Variants in SIGLEC5 observed in about 807,000 individuals in gnomAD.
The protein encoded by SIGLEC5 is sialic acid-binding Ig-like lectin 5.
SIGLEC5 carries 34 observed loss-of-function variants against 45.9 expected under a neutral mutation model. That is an observed-to-expected ratio of 0.74 (90% CI 0.56 to 0.99). The LOEUF is 0.99. Among genes scored for constraint, SIGLEC5 ranks in the 50% least tolerant of loss-of-function variants. The probability of loss-of-function intolerance (pLI) is 0.00; values close to 1 mark genes in which losing one functional copy is unlikely to be tolerated. For synonymous variants in SIGLEC5, 203 were observed against 258.6 expected (o/e 0.79, Z 2.06); for missense variants, 508 against 629.6 (o/e 0.81, Z 2.07).
At chr19:51,613,771 T>C (rs529513002) in intron 8 of SIGLEC5, among the ~76,000 whole-genome samples, 12 of 152,186 alleles carry the variant, frequency 7.9e-5, no homozygotes, top group Non-Finnish European at 1.5e-4. Context: ...CCCAGGGTTA[T>C]TCATCTAATA....
chr19:51,629,259 C>T (rs1983632551), intron 3 of SIGLEC5, 99 bp downstream of exon 3: 2 of 1,537,408 alleles, frequency 1.3e-6, no homozygotes, highest in African/African-American at 3.0e-5. Context: ...TTTTGTTTCT[C>T]TCTGTCTTCC....
chr19:51,612,242 T>C lies in SIGLEC5; in HGVS notation c.1645A>G (p.Thr549Ala). The C allele has an allele frequency of 1.9e-6, 3 of 1,600,156 alleles. No individual in the cohort carries two copies. The highest frequency in any genetic ancestry group is 2.2e-5 in the South Asian group (2 of 90,000). ...PSTTEYSEIK[T>A]SK is the part of the protein sequence containing the mutation. ...CTCTGGGCAAATCCTCACTTGCTTG[T>C]CTTGATCTCCGAGTACTCCGTGGTG... The change falls in exon 9 of 9, where the codon ACA (threonine) becomes GCA (alanine). Residue 549 changes from threonine to alanine, a missense_variant. Physicochemically the swap from Thr to Ala is moderately conservative, Grantham distance 58. Around this residue, in one of 2 missense-constraint regions of SIGLEC5, gnomAD observed 431 missense variants for 428.8 expected, o/e 1.01. Coordinates refer to ENST00000683636, the MANE Select transcript of SIGLEC5 (RefSeq NM_003830.4).
chr19:51,624,774 C>T (rs937048444), intron 8 of SIGLEC5, among the ~76,000 whole-genome samples: 2 of 151,740 alleles, frequency 1.3e-5, no homozygotes, highest in Admixed American at 6.6e-5. Context: ...TTCGAGACCA[C>T]CCTGGCCAAC....
At chr19:51,617,576 T>G (rs1983114637) in intron 8 of SIGLEC5, among the ~76,000 whole-genome samples, 1 of 152,118 alleles carries the variant, frequency 6.6e-6, no homozygotes. Flanking sequence ...GAAAATCACT[T>G]TAATTTTAGA....
rs1982884132 is a variant in SIGLEC5, at chr19:51,612,322, G to A, written c.1565C>T (p.Ser522Phe). The change falls in exon 9 of 9, where the codon TCC (serine) becomes TTC (phenylalanine). Residue 522 changes from serine (S) to phenylalanine (F), a missense_variant. Transcript: ENST00000683636. ...LEEQKELHYA[S>F]LSFSEMKSRE... is the part of the protein sequence containing the mutation. ...CGACTTCATCTCAGAAAAACTAAGGGAGGCATAATGGAGCTCCTTTTGTTC... is the reference window on the plus strand; with the variant it reads ...CGACTTCATCTCAGAAAAACTAAGGAAGGCATAATGGAGCTCCTTTTGTTC... 1 of 1,613,328 alleles carries A rather than the reference G, an allele frequency of 6.2e-7. No homozygotes were observed. The highest frequency in any genetic ancestry group is 1.1e-5 in the South Asian group (1 of 91,010).
intron 4 of SIGLEC5, among the ~76,000 whole-genome samples, chr19:51,628,836 T>C (rs12972079): frequency 5.4e-5 from 8 of 148,522 alleles, no homozygotes; most frequent in South Asian, 4.2e-4. Context: ...CGTGTGTGTG[T>C]GCGTGTGTGC....
In SIGLEC5 at chr19:51,630,017, G is replaced by C. The variant is rs201664362; in HGVS notation, c.237C>G (p.Asp79Glu). Residue 79 changes from aspartate to glutamate, a missense_variant, in exon 2 of 9, where the codon GAC becomes GAG. Coordinates refer to ENST00000683636, the MANE Select transcript of SIGLEC5 (RefSeq NM_003830.4). ...YAEVVATNNP[D>E]RRVKPETQGR... ...CCTGGGTCTCTGGCTTCACTCTTCT[G>C]TCTGGGTTGTTTGTGGCCACAACCT... 3.7e-6 allele frequency: 3 copies of C among 810,246 alleles called. No individual in the cohort carries two copies. The highest frequency in any genetic ancestry group is 1.5e-5 in the South Asian group (1 of 68,294). 50.2% of individuals were successfully genotyped at this position (810,246 alleles called of 1,614,324 possible).
chr19:51,617,787 G>A (rs1226442963), intron 8 of SIGLEC5, among the ~76,000 whole-genome samples: 1 of 151,950 alleles, frequency 6.6e-6, no homozygotes, highest in Non-Finnish European at 1.5e-5. Context: ...TCAACAAAAT[G>A]TGTAGCTGTA....
In SIGLEC5 at chr19:51,628,091, G is replaced by A. The variant is rs780731484; in HGVS notation, c.740C>T (p.Ala247Val). 2.0e-6 allele frequency: 3 copies of A among 1,518,802 alleles called. No homozygotes were observed. The East Asian group carries it at 7.0e-5, about 35-fold the overall frequency. The allele number at this position is 1,518,802 out of a possible 1,614,324, so 94.1% of individuals were successfully genotyped here. The change falls in exon 5 of 9, where the codon GCC (alanine) becomes GTC (valine). Residue 247 changes from alanine to valine, a missense_variant and splice_region_variant. Coordinates refer to ENST00000683636, the MANE Select transcript of SIGLEC5 (RefSeq NM_003830.4). Reference protein sequence around the residue: ...QTITIFRNGIALEILQNTSYL... With the variant: ...QTITIFRNGIVLEILQNTSYL... ...TGAGGTGTTTTGCAGGATCTCTAGG[G>A]CTTTGGGGAGAGAAGGGTGGGGAAA...
At chr19:51,624,601 G>A (rs1364553977) in intron 8 of SIGLEC5, among the ~76,000 whole-genome samples, 1 of 152,044 alleles carries the variant, frequency 6.6e-6, no homozygotes, top group African/African-American at 2.4e-5. Context: ...GAGGAGAGGA[G>A]ACACGCTGGA....
Position 51,626,089 on chromosome 19 carries a change from T to G in SIGLEC5, c.1407A>C (p.Ala469=), listed in dbSNP as rs1983468828. ...FLIVKARRKQ[A]AGRPEKMDDE... ...CATCCATTTTCTCTGGTCTCCCAGCTGCTTGCTTCCTGCGGGCTTTCACTC... is the reference window on the plus strand; with the variant it reads ...CATCCATTTTCTCTGGTCTCCCAGCGGCTTGCTTCCTGCGGGCTTTCACTC... Residue 469 remains alanine, a synonymous_variant, in exon 8 of 9, where the codon GCA becomes GCC. Coordinates refer to ENST00000683636, the MANE Select transcript of SIGLEC5 (RefSeq NM_003830.4). 1 of 1,613,860 alleles carries G rather than the reference T, an allele frequency of 6.2e-7. No homozygotes were observed. The highest frequency in any genetic ancestry group is 1.1e-5 in the South Asian group (1 of 91,080).
intron 8 of SIGLEC5, among the ~76,000 whole-genome samples, chr19:51,617,116 A>G (rs554706941): frequency 2.3e-4 from 35 of 150,782 alleles, no homozygotes; most frequent in Non-Finnish European, 4.0e-4. Flanking sequence ...TTAGCCGGGC[A>G]TGGTGGCGGG....
In SIGLEC5 at chr19:51,629,420, C is replaced by T; in HGVS notation, c.638G>A (p.Cys213Tyr). 1.2e-6 allele frequency: 2 copies of T among 1,613,890 alleles called. No homozygotes were observed. Residue 213 changes from cysteine (C) to tyrosine (Y), a missense_variant, in exon 3 of 9, where the codon TGT (cysteine) becomes TAT (tyrosine). By Grantham distance (194) the Cys-to-Tyr change is radical. This residue lies in a region of SIGLEC5 where 431 missense variants were observed against 428.8 expected (regional missense o/e 1.01). Transcript: ENST00000683636. ...CTGAGCTCCTTGGCGTTTCATCTGA[C>T]AGGTGAGGTTGGTGCCATGGTCCTC... Reference protein sequence around the residue: ...RPEDHGTNLTCQMKRQGAQVT... With the variant: ...RPEDHGTNLTYQMKRQGAQVT...
At position 51,627,219 on chromosome 19, in the gene SIGLEC5, G is replaced by A; in HGVS notation, c.1312C>T (p.Pro438Ser). 6.2e-7 allele frequency: 1 copy of A among 1,614,082 alleles called. No homozygotes were observed. Among genetic ancestry groups the A allele is most frequent in the South Asian group, 1.1e-5 (1 of 91,074 alleles). The change falls in exon 7 of 9, where the codon CCT becomes TCT. Residue 438 changes from proline to serine, a missense_variant. Coordinates refer to ENST00000683636, the MANE Select transcript of SIGLEC5 (RefSeq NM_003830.4). Reference protein sequence around the residue: ...GRSNLGTGVVPAALGGAGVMA... With the variant: ...GRSNLGTGVVSAALGGAGVMA... ...ACACCAGCACCACCAAGGGCTGCAG[G>A]AACCACTCCTGTCCCGAGGTTCGAT...
intron 8 of SIGLEC5, among the ~76,000 whole-genome samples, chr19:51,619,940 G>GA (rs1983219307): frequency 6.6e-6 from 1 of 151,628 alleles, no homozygotes; most frequent in Non-Finnish European, 1.5e-5. Flanking sequence ...GATTTAGCTA[G>GA]AAAAAAAGAA....
At chr19:51,614,667 A>G (rs529973390) in intron 8 of SIGLEC5, among the ~76,000 whole-genome samples, 1 of 152,306 alleles carries the variant, frequency 6.6e-6, no homozygotes, top group South Asian at 2.1e-4. Flanking sequence ...ACTGAAAGAA[A>G]AGGCACAGCT....
chr19:51,620,348 A>T (rs1983238510), intron 8 of SIGLEC5, among the ~76,000 whole-genome samples: 1 of 152,212 alleles, frequency 6.6e-6, no homozygotes, highest in South Asian at 2.1e-4. Context: ...GTATTTGACC[A>T]TGCATATAGA....
intron 3 of SIGLEC5, 31 bp from the exon 4 acceptor site, chr19:51,629,107 G>C: frequency 1.9e-6 from 3 of 1,611,908 alleles, no homozygotes; most frequent in Non-Finnish European, 2.5e-6. Flanking sequence ...CTTGGCTTCA[G>C]CAGTGAGGAG....
Position 51,627,331 on chromosome 19 carries a change from G to A in SIGLEC5, c.1283-83C>T. On this transcript the variant is annotated intron_variant, in intron 6 of 8. Coordinates refer to ENST00000683636, the MANE Select transcript of SIGLEC5 (RefSeq NM_003830.4). Reference sequence around the variant, plus strand: ...CACCTGCTGGGCAACTTGCTCCAGGGCCCTGCTCAGACAGGAGATGAAGAA... The same window carrying A: ...CACCTGCTGGGCAACTTGCTCCAGGACCCTGCTCAGACAGGAGATGAAGAA... 3.2e-6 allele frequency: 5 copies of A among 1,539,512 alleles called. No individual in the cohort carries two copies. The South Asian group carries it at 3.5e-5, about 11-fold the overall frequency.
Sources: allele counts gnomAD v4.1 joint callset (sites outside exome capture counted in the v4.1 genomes callset), GRCh38; gene constraint gnomAD v4.1.1; regional missense constraint gnomAD v4.1.1; transcripts MANE v1.5; gene names NCBI Gene and HGNC (gene_info 2026-07-23, HGNC 2026-07-21).